ZNF644: variants seen among roughly 807,000 people sequenced by gnomAD.
The protein encoded by ZNF644 is zinc finger motif enhancer binding protein 2.
ZNF644 carries 20 observed loss-of-function variants against 108.0 expected under a neutral mutation model. The ratio of observed to expected loss-of-function variants is 0.19; its 90% CI spans 0.13 to 0.27. The LOEUF (loss-of-function observed/expected upper bound fraction) is 0.27, where lower values mean the gene tolerates loss of function less well. Among genes scored for constraint, ZNF644 ranks in the 10% least tolerant of loss-of-function variants. The probability of loss-of-function intolerance (pLI) is 1.00; values close to 1 mark genes in which losing one functional copy is unlikely to be tolerated. For synonymous variants in ZNF644, 542 were observed against 539.1 expected (o/e 1.01, Z -0.08); for missense variants, 1,338 against 1,548.9 (o/e 0.86, Z 2.29).
chr1:91,017,738 A>C (rs1042211208), intron 1 of ZNF644, among the ~76,000 whole-genome samples: 1 of 152,110 alleles, frequency 6.6e-6, no homozygotes, highest in South Asian at 2.1e-4. Context: ...AAGGCGGGTG[A>C]ATCACCTGAG....
intron 4 of ZNF644, among the ~76,000 whole-genome samples, chr1:90,929,269 T>A (rs1650434603): frequency 6.6e-6 from 1 of 152,234 alleles, no homozygotes; most frequent in Non-Finnish European, 1.5e-5. Flanking sequence ...AAAGCCAATA[T>A]GCCATTTAGT....
intron 1 of ZNF644, among the ~76,000 whole-genome samples, chr1:91,016,687 T>C (rs1438177950): frequency 6.6e-6 from 1 of 152,230 alleles, no homozygotes; most frequent in Non-Finnish European, 1.5e-5. Flanking sequence ...ATTAATCTTT[T>C]CAAAAAATTA....
intron 4 of ZNF644, among the ~76,000 whole-genome samples, chr1:90,927,258 C>A (rs1213253219): frequency 6.6e-6 from 1 of 152,144 alleles, no homozygotes; most frequent in African/African-American, 2.4e-5. Flanking sequence ...TACAGTTATG[C>A]ATATATGTGC....
chr1:91,007,385 T>C (rs1239474599), intron 1 of ZNF644, among the ~76,000 whole-genome samples: 9 of 152,002 alleles, frequency 5.9e-5, no homozygotes. Flanking sequence ...TGCTAATTTC[T>C]GTATTTTTAG....
At chr1:91,009,041 C>T (rs541635515) in intron 1 of ZNF644, among the ~76,000 whole-genome samples, 1 of 152,222 alleles carries the variant, frequency 6.6e-6, no homozygotes, top group Non-Finnish European at 1.5e-5. Context: ...CAAGACCAGC[C>T]TGGGCAACAA....
chr1:91,021,644 C>CT (rs397980787), intron 1 of ZNF644: 1 of 137,698 alleles, frequency 7.3e-6, no homozygotes, highest in Non-Finnish European at 1.6e-5. Flanking sequence ...GCCCCCCCCC[C>CT]ATCCCCCCGC....
At chr1:90,924,859 A>C (rs1410975920) in intron 4 of ZNF644, among the ~76,000 whole-genome samples, 1 of 152,166 alleles carries the variant, frequency 6.6e-6, no homozygotes, top group Non-Finnish European at 1.5e-5. Flanking sequence ...AAAAAAGTAA[A>C]TTCTACTTTT....
At chr1:90,922,620 C>T (rs1325603006) in intron 4 of ZNF644, among the ~76,000 whole-genome samples, 1 of 152,010 alleles carries the variant, frequency 6.6e-6, no homozygotes, top group Non-Finnish European at 1.5e-5. Flanking sequence ...TTCAGGGGTA[C>T]ACGTGCAGGT....
At chr1:90,985,604 AGGTTCAT>A (rs1328106061) in intron 1 of ZNF644, among the ~76,000 whole-genome samples, 1 of 152,184 alleles carries the variant, frequency 6.6e-6, no homozygotes, top group East Asian at 1.9e-4. Context: ...AATGTCCTCC[AGGTTCAT>A]CCATGTTGTT....
intron 2 of ZNF644, among the ~76,000 whole-genome samples, chr1:90,976,088 C>T (rs1655979019): frequency 6.6e-6 from 1 of 152,194 alleles, no homozygotes; most frequent in South Asian, 2.1e-4. Flanking sequence ...GCAATATGGA[C>T]ATCCAGTTAA....
Position 90,915,352 on chromosome 1 carries a change from T to A in ZNF644, c.*1446A>T, listed in dbSNP as rs1409547768. 1.3e-5 allele frequency: 2 copies of A among 152,602 alleles called. No individual in the cohort carries two copies. The highest frequency in any genetic ancestry group is 2.9e-5 in the Non-Finnish European group (2 of 68,002). The allele number at this position is 152,602 out of a possible 1,614,324, so 9.5% of individuals were successfully genotyped here. On this transcript the variant is annotated 3_prime_UTR_variant, in exon 6 of 6. Coordinates refer to ENST00000337393, the MANE Select transcript of ZNF644 (RefSeq NM_201269.3). ...TAGAGATTTTTCTGGTAAGGAGATA[T>A]ACCATAGGAAAGCAATTTCACTGGC... is the stretch of plus-strand genomic sequence containing the variant.
Position 90,939,930 on chromosome 1 carries a change from T to C in ZNF644, c.1424A>G (p.Gln475Arg), listed in dbSNP as rs761073346. Residue 475 changes from glutamine (Q) to arginine (R), a missense_variant, in exon 3 of 6, where the codon CAG (glutamine) becomes CGG (arginine). Around this residue, in one of 6 missense-constraint regions of ZNF644, gnomAD observed 80 missense variants for 183.0 expected, o/e 0.44. Transcript: ENST00000337393. ...KHMIIHQERRQKLMEEIRELK... is the reference protein window; with the variant it reads ...KHMIIHQERRRKLMEEIRELK... ...TTCACGAATTTCCTCCATCAACTTC[T>C]GTCTTCTCTCCTGGTGAATAATCAT... 1.9e-6 allele frequency: 3 copies of C among 1,614,120 alleles called. No individual in the cohort carries two copies. The highest frequency in any genetic ancestry group is 2.2e-5 in the South Asian group (2 of 91,084).
chr1:90,925,337 A>C (rs1421919099), intron 4 of ZNF644, among the ~76,000 whole-genome samples: 2 of 152,222 alleles, frequency 1.3e-5, no homozygotes, highest in African/African-American at 2.4e-5. Context: ...CGTTATCTTA[A>C]TGTAAATTCT....
intron 1 of ZNF644, chr1:91,021,646 TC>T (rs1208028988): frequency 5.3e-5 from 1 of 18,898 alleles, no homozygotes; most frequent in Non-Finnish European, 1.1e-4. Context: ...CCCCCCCCCA[TC>T]CCCCCGCCGA....
rs574631562 is a variant in ZNF644 at position 90,933,773 on chromosome 1, G to A, written c.3688+3712C>T. ...AAAATAAGAAATTCAAAAATAGACC[G>A]CCTGTGTAAGGTAGAGAATAGTGAT... On this transcript the variant is annotated intron_variant, in intron 4 of 5. Transcript: ENST00000337393. Among the ~76,000 whole-genome samples, 7 of 152,100 alleles carry A rather than the reference G, an allele frequency of 4.6e-5. No homozygotes were observed. In the South Asian group the frequency reaches 6.2e-4, roughly 14 times the overall value.
chr1:91,013,014 T>A (rs1251542577), intron 1 of ZNF644, among the ~76,000 whole-genome samples: 3 of 152,176 alleles, frequency 2.0e-5, no homozygotes, highest in Non-Finnish European at 4.4e-5. Context: ...AGGATGTTTT[T>A]TCCAGCATTT....
chr1:90,941,025 A>G lies in ZNF644; in HGVS notation c.329T>C (p.Leu110Ser). The change falls in exon 3 of 6, where the codon TTG becomes TCG. Residue 110 changes from leucine to serine, a missense_variant. This residue lies in a region of ZNF644 where 464 missense variants were observed against 457.9 expected (regional missense o/e 1.01). Coordinates refer to ENST00000337393, the MANE Select transcript of ZNF644 (RefSeq NM_201269.3). ...APTVSSENFI[L>S]PKGAAVNGPV... ...TCCATTAACAGCAGCTCCTTTAGGC[A>G]AGATAAAGTTTTCACTAGAAACAGT... 1 of 1,614,140 alleles carries G rather than the reference A, an allele frequency of 6.2e-7. No homozygotes were observed. Among genetic ancestry groups the G allele is most frequent in the Non-Finnish European group, 8.5e-7 (1 of 1,179,968 alleles).
intron 1 of ZNF644, among the ~76,000 whole-genome samples, chr1:91,020,144 T>C (rs1660769962): frequency 6.6e-6 from 1 of 152,200 alleles, no homozygotes; most frequent in Non-Finnish European, 1.5e-5. Context: ...TGTAAAACTT[T>C]ATGATCCAGG....
intron 2 of ZNF644, among the ~76,000 whole-genome samples, chr1:90,962,855 T>C (rs1438777426): frequency 1.3e-5 from 2 of 152,124 alleles, no homozygotes; most frequent in African/African-American, 4.8e-5. Flanking sequence ...GCATAGTTTC[T>C]GAGCCTAAGA....
Sources: allele counts gnomAD v4.1 joint callset (sites outside exome capture counted in the v4.1 genomes callset), GRCh38; gene constraint gnomAD v4.1.1; regional missense constraint gnomAD v4.1.1; transcripts MANE v1.5; gene names NCBI Gene and HGNC (gene_info 2026-07-23, HGNC 2026-07-21).